NRCAM: variants seen among roughly 807,000 people sequenced by gnomAD.
The protein encoded by NRCAM is neuronal cell adhesion molecule, also known as NgCAM-related cell adhesion molecule.
Under a neutral mutation model 156.5 loss-of-function variants are expected in NRCAM, and 83 were observed. The observed-to-expected ratio is 0.53, with a 90% CI of 0.44 to 0.64. NRCAM has a LOEUF of 0.64. NRCAM is among the 30% of genes least tolerant of loss of function. The pLI is 0.00. For synonymous variants in NRCAM, 538 were observed against 563.9 expected (o/e 0.95, Z 0.65); for missense variants, 1,417 against 1,597.3 (o/e 0.89, Z 1.92).
chr7:108,185,029 A>T (rs567872068), intron 20 of NRCAM, among the ~76,000 whole-genome samples: 1 of 152,146 alleles, frequency 6.6e-6, no homozygotes, highest in African/African-American at 2.4e-5. Context: ...AAGTTTAAAT[A>T]TATGAAAAGA....
At chr7:108,403,219 A>G (rs1241666527) in intron 1 of NRCAM, among the ~76,000 whole-genome samples, 4 of 152,200 alleles carry the variant, frequency 2.6e-5, no homozygotes, top group Admixed American at 1.3e-4. Flanking sequence ...AAACAAGTGA[A>G]GCCTTTATTT....
chr7:108,232,962 T>C (rs986763368), intron 6 of NRCAM, among the ~76,000 whole-genome samples: 6 of 152,144 alleles, frequency 3.9e-5, no homozygotes, highest in African/African-American at 1.2e-4. Context: ...ATGATGAAAA[T>C]TGATCAGACA....
chr7:108,277,513 C>A (rs1477516113), intron 3 of NRCAM, among the ~76,000 whole-genome samples: 1 of 151,944 alleles, frequency 6.6e-6, no homozygotes, highest in Non-Finnish European at 1.5e-5. Flanking sequence ...ATCCTTTCTT[C>A]TGCTTGATCG....
In NRCAM at chr7:108,209,965, T is replaced by C. The variant is rs547929491; in HGVS notation, c.891-360A>G. Among the ~76,000 whole-genome samples, 27 of 152,320 alleles carry C rather than the reference T, an allele frequency of 1.8e-4. No homozygotes were observed. The South Asian group carries it at 4.8e-3, about 27-fold the overall frequency. ...ATGTTAATCAAAAGAATTACTATTA[T>C]ATTAATGATACTGAATTATAATTTT... On this transcript the variant is annotated intron_variant, in intron 11 of 32. Transcript: ENST00000379028.
At chr7:108,405,037 G>A (rs2099803434) in intron 1 of NRCAM, among the ~76,000 whole-genome samples, 1 of 152,204 alleles carries the variant, frequency 6.6e-6, no homozygotes. Context: ...ATGTGTGAGT[G>A]ACTTAGCAGC....
intron 1 of NRCAM, among the ~76,000 whole-genome samples, chr7:108,452,844 T>C (rs1215195436): frequency 6.6e-6 from 1 of 152,004 alleles, no homozygotes; most frequent in African/African-American, 2.4e-5. Context: ...TGCTGATCTA[T>C]GGTGAGAATA....
intron 1 of NRCAM, among the ~76,000 whole-genome samples, chr7:108,434,589 G>C (rs907313706): frequency 6.7e-6 from 1 of 149,402 alleles, no homozygotes; most frequent in Non-Finnish European, 1.5e-5. Flanking sequence ...CGACACAAGA[G>C]AGGACAGCTG....
chr7:108,241,637 A>C (rs1302677291), intron 3 of NRCAM, among the ~76,000 whole-genome samples: 1 of 152,112 alleles, frequency 6.6e-6, no homozygotes, highest in Non-Finnish European at 1.5e-5. Context: ...ATAGCCCATC[A>C]CAGTGCCTGG....
intron 11 of NRCAM, among the ~76,000 whole-genome samples, chr7:108,220,178 A>G (rs1367147811): frequency 3.3e-5 from 5 of 152,232 alleles, no homozygotes; most frequent in Non-Finnish European, 7.4e-5. Flanking sequence ...GAAAACTACA[A>G]AACACTACAA....
At chr7:108,256,541 T>A (rs1021770495) in intron 3 of NRCAM, among the ~76,000 whole-genome samples, 1 of 151,430 alleles carries the variant, frequency 6.6e-6, no homozygotes, top group African/African-American at 2.4e-5. Context: ...TTCACATGTT[T>A]ATCTGCTGAC....
chr7:108,387,653 G>A (rs958178317), intron 2 of NRCAM, among the ~76,000 whole-genome samples: 2 of 152,014 alleles, frequency 1.3e-5, no homozygotes, highest in African/African-American at 4.8e-5. Context: ...CCATGTTGAT[G>A]TGCTGCACCC....
intron 32 of NRCAM, among the ~76,000 whole-genome samples, chr7:108,151,019 T>C (rs1584936801): frequency 6.6e-6 from 1 of 152,256 alleles, no homozygotes; most frequent in East Asian, 1.9e-4. Context: ...CTGACTATAC[T>C]GGATGGGAAT....
At chr7:108,217,149 T>C (rs1336983747) in intron 11 of NRCAM, among the ~76,000 whole-genome samples, 1 of 152,208 alleles carries the variant, frequency 6.6e-6, no homozygotes, top group Non-Finnish European at 1.5e-5. Flanking sequence ...TTTCTGTTTG[T>C]TAGTTTTTGT....
Position 108,337,129 on chromosome 7 carries a change from G to C in NRCAM, c.-173-24398C>G, listed in dbSNP as rs575487060. ...AAACAGAAAAATTAGCTGGGCTGGG[G>C]ACCCACACCTGTAATCCCAGCTACT... On this transcript the variant is annotated intron_variant, in intron 2 of 32. Coordinates refer to ENST00000379028, the MANE Select transcript of NRCAM (RefSeq NM_001037132.4). Among the ~76,000 whole-genome samples, 32 of 152,012 alleles carry C rather than the reference G, an allele frequency of 2.1e-4. No individual in the cohort carries two copies. In the East Asian group the frequency reaches 5.8e-3, roughly 28 times the overall value.
chr7:108,218,172 CT>C (rs1467308949), intron 11 of NRCAM, among the ~76,000 whole-genome samples: 1 of 95,790 alleles, frequency 1.0e-5, no homozygotes, highest in African/African-American at 5.9e-5. Context: ...CTTCCCTTGG[CT>C]GGGGGGGGGG....
At chr7:108,214,454 T>C (rs2086666835) in intron 11 of NRCAM, among the ~76,000 whole-genome samples, 1 of 151,380 alleles carries the variant, frequency 6.6e-6, no homozygotes, top group Admixed American at 6.6e-5. Flanking sequence ...AGTGGTGATA[T>C]CCCTTTTATC....
chr7:108,189,704 A>G lies in NRCAM; in HGVS notation c.1976T>C (p.Leu659Pro), dbSNP rs1256322474. ...CCATGACAGCTGAACACTTTTGTCAAGTTGATCTGTCAGTTCTAAGTCAAA... is the reference window on the plus strand; with the variant it reads ...CCATGACAGCTGAACACTTTTGTCAGGTTGATCTGTCAGTTCTAAGTCAAA... ...PPFDLELTDQ[L>P]DKSVQLSWTP... The change falls in exon 20 of 33, where the codon CTT (leucine) becomes CCT (proline). Residue 659 changes from leucine to proline, a missense_variant. By Grantham distance (98) the Leu-to-Pro change is moderately conservative (BLOSUM62 -3). Coordinates refer to ENST00000379028, the MANE Select transcript of NRCAM (RefSeq NM_001037132.4). 1 of 1,560,112 alleles carries G rather than the reference A, an allele frequency of 6.4e-7. No homozygotes were observed. The highest frequency in any genetic ancestry group is 8.8e-7 in the Non-Finnish European group (1 of 1,132,956).
chr7:108,376,699 G>A (rs997091629), intron 2 of NRCAM, among the ~76,000 whole-genome samples: 1 of 152,132 alleles, frequency 6.6e-6, no homozygotes, highest in Non-Finnish European at 1.5e-5. Flanking sequence ...GCTAGGCAAG[G>A]ACAGTATGGG....
Position 108,149,693 on chromosome 7 carries a change from A to G in NRCAM, c.*217T>C. 1 of 556,966 alleles carries G rather than the reference A, an allele frequency of 1.8e-6. No homozygotes were observed. Among genetic ancestry groups the G allele is most frequent in the Non-Finnish European group, 3.2e-6 (1 of 317,338 alleles). The allele number at this position is 556,966 out of a possible 1,614,324, so 34.5% of individuals were successfully genotyped here. On this transcript the variant is annotated 3_prime_UTR_variant, in exon 33 of 33. Transcript: ENST00000379028. ...TTTATCAGTTCTGAGGAAATCAAGA[A>G]TACCCATTTTGAATGAAAAAGTATG...
Sources: allele counts gnomAD v4.1 joint callset (sites outside exome capture counted in the v4.1 genomes callset), GRCh38; gene constraint gnomAD v4.1.1; transcripts MANE v1.5; gene names NCBI Gene and HGNC (gene_info 2026-07-23, HGNC 2026-07-21).